DGKB: variants seen among roughly 807,000 people sequenced by gnomAD.
The protein encoded by DGKB is 90 kDa diacylglycerol kinase.
A neutral mutation model predicts 114.3 loss-of-function variants in DGKB; 67 were observed. The ratio of observed to expected loss-of-function variants is 0.59; its 90% confidence interval spans 0.48 to 0.72. The LOEUF (loss-of-function observed/expected upper bound fraction) is 0.72, where lower values mean the gene tolerates loss of function less well. Ranked by LOEUF, DGKB falls within the 30% of genes least tolerant of loss-of-function variation. The pLI is 0.00. For missense variants in DGKB, 907 were observed against 975.2 expected, an observed-to-expected ratio of 0.93 and a Z score of 0.93; for synonymous variants, 398 against 323.1, an observed-to-expected ratio of 1.23 and a Z score of -2.49.
At chr7:14,718,334 A>G (rs1828554626) in intron 6 of DGKB, among the ~76,000 whole-genome samples, 1 of 152,168 alleles carries the variant, frequency 6.6e-6, no homozygotes, top group South Asian at 2.1e-4. Context: ...TCAGTAGTAA[A>G]TGGAACTTGA....
At chr7:14,287,016 G>A (rs1214265417) in intron 23 of DGKB, among the ~76,000 whole-genome samples, 1 of 151,942 alleles carries the variant, frequency 6.6e-6, no homozygotes, top group Non-Finnish European at 1.5e-5. Flanking sequence ...GTTATTTTTG[G>A]TGTATGTGGG....
At chr7:14,529,510 G>T (rs1791206620) in intron 20 of DGKB, among the ~76,000 whole-genome samples, 1 of 151,524 alleles carries the variant, frequency 6.6e-6, no homozygotes, top group African/African-American at 2.4e-5. Flanking sequence ...ATAATATTTT[G>T]TACATAATAA....
chr7:14,882,819 TTTTC>T (rs1479442348), intron 1 of DGKB, among the ~76,000 whole-genome samples: 2 of 152,058 alleles, frequency 1.3e-5, no homozygotes, highest in Admixed American at 1.3e-4. Context: ...ATATGCCACA[TTTTC>T]TTTATCTTAT....
At chr7:14,523,276 A>G (rs984066103) in intron 20 of DGKB, among the ~76,000 whole-genome samples, 11 of 152,312 alleles carry the variant, frequency 7.2e-5, no homozygotes, top group Non-Finnish European at 1.6e-4. Context: ...TCTCCTTTGA[A>G]GAAGGCATCA....
intron 21 of DGKB, among the ~76,000 whole-genome samples, chr7:14,369,781 A>G (rs1358416613): frequency 6.6e-6 from 1 of 151,982 alleles, no homozygotes; most frequent in African/African-American, 2.4e-5. Context: ...GTTTTTTTCT[A>G]GTAAATTCGT....
At chr7:14,938,142 G>A (rs1785373681) in intron 1 of DGKB, among the ~76,000 whole-genome samples, 1 of 152,194 alleles carries the variant, frequency 6.6e-6, no homozygotes, top group South Asian at 2.1e-4. Context: ...ACATCTCTGT[G>A]TGTGCCCATA....
chr7:14,224,176 A>G (rs1161134003), intron 23 of DGKB, among the ~76,000 whole-genome samples: 1 of 151,810 alleles, frequency 6.6e-6, no homozygotes, highest in Non-Finnish European at 1.5e-5. Flanking sequence ...ATATGTTAAT[A>G]TTTCTCTGAG....
intron 2 of DGKB, among the ~76,000 whole-genome samples, chr7:14,797,647 T>A (rs1207281259): frequency 9.2e-5 from 14 of 152,046 alleles, no homozygotes; most frequent in African/African-American, 3.1e-4. Flanking sequence ...TCTATTTATT[T>A]TTTTTTTTTC....
intron 22 of DGKB, among the ~76,000 whole-genome samples, chr7:14,341,888 T>G (rs190976146): frequency 1.3e-5 from 2 of 151,896 alleles, no homozygotes; most frequent in Non-Finnish European, 2.9e-5. Flanking sequence ...TGTGATGAGA[T>G]ACAATTAATG....
At chr7:14,321,395 G>A (rs182167135) in intron 23 of DGKB, among the ~76,000 whole-genome samples, 33 of 152,124 alleles carry the variant, frequency 2.2e-4, no homozygotes, top group Non-Finnish European at 4.4e-5. Flanking sequence ...AAATCAACAT[G>A]TATTTATAAC....
chr7:14,411,926 T>C (rs185199149), intron 21 of DGKB, among the ~76,000 whole-genome samples: 2 of 152,302 alleles, frequency 1.3e-5, no homozygotes, highest in Admixed American at 6.5e-5. Flanking sequence ...AACCATGTTA[T>C]AGAAAAATTA....
At chr7:14,434,004 G>C (rs879944327) in intron 21 of DGKB, among the ~76,000 whole-genome samples, 1 of 152,114 alleles carries the variant, frequency 6.6e-6, no homozygotes, top group Non-Finnish European at 1.5e-5. Flanking sequence ...TCCACTTGTG[G>C]AGTTACATCA....
At chr7:14,436,790 T>G (rs1457568805) in intron 21 of DGKB, among the ~76,000 whole-genome samples, 1 of 152,166 alleles carries the variant, frequency 6.6e-6, no homozygotes, top group Non-Finnish European at 1.5e-5. Flanking sequence ...TTTTAAGAGT[T>G]TGACCTTTGT....
At chr7:14,752,643 C>T (rs974906105) in intron 4 of DGKB, among the ~76,000 whole-genome samples, 6 of 152,140 alleles carry the variant, frequency 3.9e-5, no homozygotes, top group African/African-American at 1.4e-4. Flanking sequence ...TACTAAGCCA[C>T]TGCACATGAA....
At chr7:14,935,570 C>T (rs571265337) in intron 1 of DGKB, among the ~76,000 whole-genome samples, 18 of 151,850 alleles carry the variant, frequency 1.2e-4, no homozygotes, top group South Asian at 6.2e-4. Flanking sequence ...AATGAGGAAA[C>T]GAGTGAATGT....
chr7:14,727,321 A>T (rs796763156), intron 5 of DGKB, among the ~76,000 whole-genome samples: 26 of 152,268 alleles, frequency 1.7e-4, no homozygotes, highest in African/African-American at 6.3e-4. Flanking sequence ...TAAAGGAGAG[A>T]CTTGAAGAGA....
intron 20 of DGKB, among the ~76,000 whole-genome samples, chr7:14,534,190 G>C (rs1052017206): frequency 6.6e-6 from 1 of 151,948 alleles, no homozygotes; most frequent in African/African-American, 2.4e-5. Context: ...TAAAAGTATA[G>C]AGGGCTCATA....
At chr7:14,478,610 C>A (rs1268548909) in intron 20 of DGKB, among the ~76,000 whole-genome samples, 1 of 151,842 alleles carries the variant, frequency 6.6e-6, no homozygotes, top group Non-Finnish European at 1.5e-5. Context: ...TAGAAGGATG[C>A]CCTAAGTGGA....
At chr7:14,546,585 G>A (rs1584726971) in intron 20 of DGKB, among the ~76,000 whole-genome samples, 1 of 152,164 alleles carries the variant, frequency 6.6e-6, no homozygotes, top group African/African-American at 2.4e-5. Flanking sequence ...TGGAAGGTAA[G>A]ATTGTGTCTT....
Sources: gnomAD v4.1 joint callset for allele counts (sites outside exome capture counted in the v4.1 genomes callset) on GRCh38, gnomAD v4.1.1 for gene constraint, MANE v1.5 for transcripts, NCBI Gene and HGNC (gene_info 2026-07-23, HGNC 2026-07-21) for gene names.